Variants in CGNL1 observed in about 807,000 individuals in gnomAD.
CGNL1 encodes the protein cingulin-like protein 1.
In CGNL1, 132 loss-of-function variants were observed where a neutral mutation model predicts 141.2. The observed-to-expected ratio is 0.93, with a 90% CI of 0.81 to 1.08. CGNL1 has a LOEUF of 1.08. CGNL1 is among the 50% of genes least tolerant of loss of function. CGNL1 has a pLI of 0.00. For missense variants in CGNL1, 1,870 were observed against 1,588.6 expected (o/e 1.18, Z -3.01); for synonymous variants, 690 against 622.1 (o/e 1.11, Z -1.63).
intron 8 of CGNL1, among the ~76,000 whole-genome samples, chr15:57,491,055 A>G (rs1209903854): frequency 6.6e-6 from 1 of 152,122 alleles, no homozygotes; most frequent in Admixed American, 6.6e-5. Context: ...GTGATGGAGT[A>G]TCCTGAGTGG....
At chr15:57,450,195 C>G (rs1249428934) in intron 4 of CGNL1, among the ~76,000 whole-genome samples, 1 of 152,206 alleles carries the variant, frequency 6.6e-6, no homozygotes, top group Non-Finnish European at 1.5e-5. Context: ...GTTTCTGTTA[C>G]TCCACATCCT....
chr15:57,492,897 C>A (rs1382393227), intron 8 of CGNL1, among the ~76,000 whole-genome samples: 1 of 152,148 alleles, frequency 6.6e-6, no homozygotes, highest in Non-Finnish European at 1.5e-5. Context: ...GAAGAAGAAA[C>A]AATAATTGTC....
Position 57,547,752 on chromosome 15 carries a change from T to TA in CGNL1, c.*263dup, listed in dbSNP as rs2032945248. The TA allele has an allele frequency of 2.3e-6, 1 of 429,416 alleles. No homozygotes were observed. Among genetic ancestry groups the TA allele is most frequent in the Non-Finnish European group, 4.2e-6 (1 of 240,910 alleles). The allele number at this position is 429,416 out of a possible 1,614,324, so 26.6% of individuals were successfully genotyped here. A position where few individuals can be genotyped will look rare whatever the true frequency, so the allele number is the denominator to read the frequency against. ...GGGTGTTGTGAGAGATACACTTTGG[T>TA]AGGCTGAGGCCCCTGTTCCACAGCC... On this transcript the variant is annotated 3_prime_UTR_variant, in exon 19 of 19. Transcript: ENST00000281282.
intron 1 of CGNL1, among the ~76,000 whole-genome samples, chr15:57,422,713 T>A (rs948924723): frequency 5.3e-5 from 8 of 152,170 alleles, no homozygotes. Flanking sequence ...AGGTTGCATG[T>A]TGTGAGATAG....
At chr15:57,381,432 G>A (rs958806973) in intron 1 of CGNL1, among the ~76,000 whole-genome samples, 1 of 152,104 alleles carries the variant, frequency 6.6e-6, no homozygotes, top group African/African-American at 2.4e-5. Context: ...GTGGTGGTGC[G>A]TGCCTGTGGT....
rs184898860 is a variant in CGNL1 at position 57,499,301 on chromosome 15, A to G, written c.2404-17479A>G. 2.3e-3 allele frequency among the ~76,000 whole-genome samples: 311 copies of G among 134,172 alleles called. 1 individual carries two copies. Among genetic ancestry groups the G allele is most frequent in the Admixed American group, 7.6e-3 (86 of 11,378 alleles). The allele number at this position is 134,172 out of a possible 152,430, so 88.0% of individuals were successfully genotyped here. On this transcript the variant is annotated intron_variant, in intron 8 of 18. Coordinates refer to ENST00000281282, the MANE Select transcript of CGNL1 (RefSeq NM_032866.5). The stretch of plus-strand genomic sequence containing the variant: ...CACTGTGTCACCCAGGCTGTAATGC[A>G]GTGGTGTGATCTTGGCTCACTGCAA...
At chr15:57,523,722 C>A in intron 11 of CGNL1, 81 bp downstream of exon 11, 1 of 1,469,072 alleles carries the variant, frequency 6.8e-7, no homozygotes, top group Non-Finnish European at 9.3e-7. Context: ...CTGGTGAAAG[C>A]CTGGGAAACC....
At chr15:57,506,899 A>G (rs1457734170) in intron 8 of CGNL1, among the ~76,000 whole-genome samples, 1 of 152,136 alleles carries the variant, frequency 6.6e-6, no homozygotes, top group Non-Finnish European at 1.5e-5. Context: ...CAAGGCCTGC[A>G]CTCTTTTTGT....
intron 1 of CGNL1, among the ~76,000 whole-genome samples, chr15:57,430,007 C>G (rs2063025231): frequency 6.6e-6 from 1 of 152,170 alleles, no homozygotes; most frequent in Admixed American, 6.5e-5. Context: ...GATGGGGTCT[C>G]CCTGTGTTGC....
At chr15:57,508,667 T>C (rs2029935488) in intron 8 of CGNL1, among the ~76,000 whole-genome samples, 1 of 152,178 alleles carries the variant, frequency 6.6e-6, no homozygotes, top group African/African-American at 2.4e-5. Flanking sequence ...CCAAGAAGCA[T>C]AAAGGATTTG....
chr15:57,419,543 G>A (rs1239007905), intron 1 of CGNL1, among the ~76,000 whole-genome samples: 1 of 152,070 alleles, frequency 6.6e-6, no homozygotes, highest in Non-Finnish European at 1.5e-5. Flanking sequence ...GACCTTGACA[G>A]TTTTGAAGGG....
chr15:57,391,149 T>A (rs2062538237), intron 1 of CGNL1, among the ~76,000 whole-genome samples: 1 of 152,170 alleles, frequency 6.6e-6, no homozygotes, highest in Non-Finnish European at 1.5e-5. Flanking sequence ...GGCCACCCTG[T>A]TCCCAGTCTA....
chr15:57,426,763 G>T (rs2062980240), intron 1 of CGNL1, among the ~76,000 whole-genome samples: 1 of 152,016 alleles, frequency 6.6e-6, no homozygotes, highest in Non-Finnish European at 1.5e-5. Context: ...CTGGCCAGGA[G>T]ACACATTCAT....
At chr15:57,395,283 C>A (rs2062590403) in intron 1 of CGNL1, among the ~76,000 whole-genome samples, 2 of 152,168 alleles carry the variant, frequency 1.3e-5, no homozygotes, top group Admixed American at 6.5e-5. Context: ...TCCTTCAGTT[C>A]CCAAATGAGT....
chr15:57,446,029 G>A lies in CGNL1; in HGVS notation c.1803+3551G>A, dbSNP rs189956634. ...TACACTTATTTACTACTTGCATACA[G>A]GCTATGCAGAGAGGGATGGAATCTC... On this transcript the variant is annotated intron_variant, in intron 4 of 18. Coordinates refer to ENST00000281282, the MANE Select transcript of CGNL1 (RefSeq NM_032866.5). 2.3e-3 allele frequency among the ~76,000 whole-genome samples: 346 copies of A among 152,230 alleles called. 1 individual carries two copies. Among genetic ancestry groups the A allele is most frequent in the African/African-American group, 7.9e-3 (327 of 41,532 alleles).
intron 8 of CGNL1, among the ~76,000 whole-genome samples, chr15:57,479,283 G>A (rs1340969459): frequency 2.0e-5 from 3 of 152,198 alleles, no homozygotes; most frequent in South Asian, 2.1e-4. Flanking sequence ...GCCAGAAAAA[G>A]GGGTCATGGG....
chr15:57,437,775 G>A (rs1373582580), intron 1 of CGNL1, among the ~76,000 whole-genome samples: 1 of 152,168 alleles, frequency 6.6e-6, no homozygotes, highest in East Asian at 1.9e-4. Context: ...GACAAACTCA[G>A]TGGCCACGTG....
At chr15:57,412,704 T>C (rs1190778329) in intron 1 of CGNL1, among the ~76,000 whole-genome samples, 4 of 152,208 alleles carry the variant, frequency 2.6e-5, no homozygotes, top group Non-Finnish European at 5.9e-5. Flanking sequence ...GCACATCTAC[T>C]CTTTATTGGT....
chr15:57,523,775 C>A, intron 11 of CGNL1, 134 bp downstream of exon 11: 1 of 870,904 alleles, frequency 1.1e-6, no homozygotes, highest in Non-Finnish European at 1.8e-6. Context: ...TTTGCAGATC[C>A]CAAGAGGCAG....
Sources: allele counts gnomAD v4.1 joint callset (sites outside exome capture counted in the v4.1 genomes callset), GRCh38; gene constraint gnomAD v4.1.1; transcripts MANE v1.5; gene names NCBI Gene and HGNC (gene_info 2026-07-23, HGNC 2026-07-21).